Variants in COL21A1 observed in about 807,000 individuals in gnomAD.
COL21A1 encodes collagen alpha-1(XXI) chain.
A neutral mutation model predicts 137.9 loss-of-function variants in COL21A1; 149 were observed. That is an observed-to-expected ratio of 1.08 (90% CI 0.95 to 1.24). COL21A1 has a LOEUF of 1.24. Among genes scored for constraint, COL21A1 ranks in the 50% most tolerant of loss-of-function variants. The pLI is 0.00. For missense variants in COL21A1, 1,167 were observed against 1,158.4 expected, an observed-to-expected ratio of 1.01 and a Z score of -0.11; for synonymous variants, 456 against 391.5, an observed-to-expected ratio of 1.16 and a Z score of -1.95.
chr6:56,337,837 C>G (rs922561381), intron 1 of COL21A1, among the ~76,000 whole-genome samples: 4 of 152,176 alleles, frequency 2.6e-5, no homozygotes, highest in African/African-American at 9.7e-5. Flanking sequence ...AATTTAAAAG[C>G]CTTACCTAGA....
intron 1 of COL21A1, among the ~76,000 whole-genome samples, chr6:56,217,217 G>A (rs997656673): frequency 2.0e-5 from 3 of 152,090 alleles, no homozygotes; most frequent in Admixed American, 2.0e-4. Flanking sequence ...ATTAGTTCCA[G>A]TGAATGGTGT....
chr6:56,260,647 G>GA (rs1562028844), intron 1 of COL21A1, among the ~76,000 whole-genome samples: 35 of 58,790 alleles, frequency 6.0e-4, no homozygotes, highest in South Asian at 1.4e-3. Context: ...AAGGAAGGAA[G>GA]GAAGGAAGGA....
intron 1 of COL21A1, among the ~76,000 whole-genome samples, chr6:56,205,139 A>G (rs923834230): frequency 1.3e-5 from 2 of 152,160 alleles, no homozygotes; most frequent in South Asian, 2.1e-4. Flanking sequence ...TGAGTTTGAC[A>G]AATTGACAGA....
chr6:56,217,198 G>A (rs964157999), intron 1 of COL21A1, among the ~76,000 whole-genome samples: 3 of 151,988 alleles, frequency 2.0e-5, no homozygotes, highest in Non-Finnish European at 4.4e-5. Context: ...TTCTGTAAAT[G>A]GACACTATAT....
At chr6:56,158,696 T>C (rs566022499) in intron 9 of COL21A1, among the ~76,000 whole-genome samples, 1 of 152,236 alleles carries the variant, frequency 6.6e-6, no homozygotes, top group Admixed American at 6.5e-5. Flanking sequence ...TAGGGAAATT[T>C]GTTCCTGAAA....
intron 16 of COL21A1, among the ~76,000 whole-genome samples, chr6:56,114,267 G>A (rs1297025207): frequency 3.3e-5 from 5 of 152,182 alleles, no homozygotes; most frequent in Non-Finnish European, 7.3e-5. Context: ...GAGACCCAGT[G>A]CTGTGCTGGC....
chr6:56,352,166 A>T (rs1360166106), intron 1 of COL21A1, among the ~76,000 whole-genome samples: 2 of 143,534 alleles, frequency 1.4e-5, no homozygotes, highest in African/African-American at 4.9e-5. Context: ...AAAATCCATG[A>T]TGAACAAAAT....
intron 16 of COL21A1, among the ~76,000 whole-genome samples, chr6:56,116,043 CA>C (rs894307313): frequency 1.3e-5 from 2 of 151,592 alleles, no homozygotes; most frequent in African/African-American, 4.8e-5. Flanking sequence ...TCTCAAAGGG[CA>C]AATCTAAGAG....
At chr6:56,253,806 A>G (rs1782909753) in intron 1 of COL21A1, among the ~76,000 whole-genome samples, 1 of 152,238 alleles carries the variant, frequency 6.6e-6, no homozygotes, top group South Asian at 2.1e-4. Flanking sequence ...TAAATGCTTA[A>G]AAGAGCTTGG....
chr6:56,210,411 CAAG>C, intron 1 of COL21A1, among the ~76,000 whole-genome samples: 2 of 152,016 alleles, frequency 1.3e-5, no homozygotes, highest in Non-Finnish European at 2.9e-5. Flanking sequence ...GATGATATTT[CAAG>C]GTAATAAAAC....
At chr6:56,368,176 AG>A (rs201687176) in intron 1 of COL21A1, among the ~76,000 whole-genome samples, 2,292 of 152,332 alleles carry the variant, frequency 0.015, 51 homozygotes, top group African/African-American at 0.052. Flanking sequence ...TCAACTAAGC[AG>A]GGGGGTATTT....
intron 1 of COL21A1, among the ~76,000 whole-genome samples, chr6:56,247,080 A>G (rs1413209410): frequency 6.6e-6 from 1 of 152,206 alleles, no homozygotes; most frequent in Admixed American, 6.5e-5. Context: ...GGTGGGGTTG[A>G]GCTCAGGGGA....
chr6:56,307,524 G>C (rs9370518), intron 1 of COL21A1, among the ~76,000 whole-genome samples: 1 of 152,152 alleles, frequency 6.6e-6, no homozygotes, highest in Non-Finnish European at 1.5e-5. Flanking sequence ...CTCCAAGCCA[G>C]GCACGGGATA....
chr6:56,195,069 C>T (rs9475608), intron 1 of COL21A1, among the ~76,000 whole-genome samples: 3,286 of 152,264 alleles, frequency 0.022, 123 homozygotes, highest in African/African-American at 0.075. Context: ...CCATGTGATG[C>T]CCTCTGCGGG....
chr6:56,191,339 C>T (rs1020407967), intron 1 of COL21A1, among the ~76,000 whole-genome samples: 42 of 151,640 alleles, frequency 2.8e-4, no homozygotes, highest in Admixed American at 9.9e-4. Context: ...ATAATCCCAG[C>T]GCTTTGGGAG....
chr6:56,166,766 T>C (rs773092255), intron 7 of COL21A1, 140 bp downstream of exon 7: 2 of 740,538 alleles, frequency 2.7e-6, no homozygotes, highest in East Asian at 2.7e-5. Context: ...TTTTGCTTCA[T>C]GTAACTTCAC....
At chr6:56,059,102 C>A in intron 29 of COL21A1, 63 bp downstream of exon 29, 2 of 1,234,082 alleles carry the variant, frequency 1.6e-6, no homozygotes, top group Non-Finnish European at 2.4e-6. Flanking sequence ...TCACATAGAT[C>A]TATGATGACT....
intron 12 of COL21A1, among the ~76,000 whole-genome samples, chr6:56,131,246 T>C (rs112013415): frequency 2.6e-5 from 4 of 151,748 alleles, no homozygotes; most frequent in African/African-American, 9.7e-5. Flanking sequence ...AGGCAAATAA[T>C]GTATCAAATG....
intron 1 of COL21A1, among the ~76,000 whole-genome samples, chr6:56,390,161 A>C (rs1000829108): frequency 1.3e-5 from 2 of 149,214 alleles, no homozygotes; most frequent in Non-Finnish European, 3.0e-5. Flanking sequence ...ATAAATAGAG[A>C]CAACAAAAAG....
Sources: gnomAD v4.1 joint callset for allele counts (sites outside exome capture counted in the v4.1 genomes callset) on GRCh38, gnomAD v4.1.1 for gene constraint, MANE v1.5 for transcripts, NCBI Gene and HGNC (gene_info 2026-07-23, HGNC 2026-07-21) for gene names.